The following ELOVL6 variants were observed in gnomAD, a reference collection of about 807,000 sequenced individuals.
ELOVL6 encodes the protein very long chain fatty acid elongase 6.
ELOVL6 carries 8 observed loss-of-function variants against 31.7 expected under a neutral mutation model. That is an observed-to-expected ratio of 0.25 (90% CI 0.15 to 0.45). ELOVL6 has a LOEUF of 0.45. Among genes scored for constraint, ELOVL6 ranks in the 20% least tolerant of loss-of-function variants. ELOVL6 has a pLI of 1.00. For synonymous variants in ELOVL6, 101 were observed against 117.7 expected, an observed-to-expected ratio of 0.86 and a Z score of 0.92; for missense variants, 126 against 326.4, an observed-to-expected ratio of 0.39 and a Z score of 4.73.
At chr4:110,132,615 T>C (rs1015340413) in intron 1 of ELOVL6, among the ~76,000 whole-genome samples, 1 of 151,728 alleles carries the variant, frequency 6.6e-6, no homozygotes, top group Non-Finnish European at 1.5e-5. Flanking sequence ...TCACTTGAGG[T>C]CAGGAGTTCA....
chr4:110,149,063 T>G (rs1758209753), intron 1 of ELOVL6, among the ~76,000 whole-genome samples: 1 of 152,176 alleles, frequency 6.6e-6, no homozygotes, highest in African/African-American at 2.4e-5. Flanking sequence ...GGTTTCACCA[T>G]GTTGCTGAGG....
chr4:110,086,270 A>T (rs571656973), intron 2 of ELOVL6, among the ~76,000 whole-genome samples: 88 of 152,262 alleles, frequency 5.8e-4, no homozygotes, highest in Non-Finnish European at 9.9e-4. Flanking sequence ...CCCATAGGTA[A>T]ATTTCTTAAT....
intron 1 of ELOVL6, among the ~76,000 whole-genome samples, chr4:110,125,825 T>C (rs966606388): frequency 7.7e-6 from 1 of 130,104 alleles, no homozygotes; most frequent in Non-Finnish European, 1.7e-5. Flanking sequence ...AGACTCCATC[T>C]CAAAAAAAAA....
intron 1 of ELOVL6, among the ~76,000 whole-genome samples, chr4:110,151,202 T>G (rs987361277): frequency 1.3e-5 from 2 of 151,776 alleles, no homozygotes; most frequent in African/African-American, 4.8e-5. Flanking sequence ...CAACCAGAAG[T>G]GTTTCAGATT....
At chr4:110,158,658 T>TATATATATATATATATATATATA (rs35622604) in intron 1 of ELOVL6, among the ~76,000 whole-genome samples, 9 of 59,544 alleles carry the variant, frequency 1.5e-4, no homozygotes, top group South Asian at 5.3e-4. Context: ...TATATATATA[T>TATATATATATATATATATATATA]TTTTTTTTTT....
intron 2 of ELOVL6, among the ~76,000 whole-genome samples, chr4:110,073,367 C>T (rs1180391062): frequency 5.9e-5 from 9 of 152,048 alleles, no homozygotes; most frequent in Non-Finnish European, 1.2e-4. Flanking sequence ...AGTGTGTTCT[C>T]ACAAATTATC....
rs538703793 is a variant in ELOVL6, at chr4:110,097,502, T to A, written c.221+7995A>T. The stretch of plus-strand genomic sequence containing the variant: ...TTTAACTTTACTATTTTATTAAGAT[T>A]TTTGCCTTGAACATTTGTTGGGCTT... On this transcript the variant is annotated intron_variant, in intron 2 of 3. Coordinates refer to ENST00000302274, the MANE Select transcript of ELOVL6 (RefSeq NM_024090.3). Among the ~76,000 whole-genome samples, 808 of 152,188 alleles carry A rather than the reference T, an allele frequency of 5.3e-3. 4 individuals are homozygous for A. Among genetic ancestry groups the A allele is most frequent in the African/African-American group, 0.018 (761 of 41,528 alleles).
intron 2 of ELOVL6, among the ~76,000 whole-genome samples, chr4:110,064,987 A>C (rs1755255674): frequency 6.6e-6 from 1 of 152,152 alleles, no homozygotes; most frequent in Non-Finnish European, 1.5e-5. Context: ...TATTAAATCA[A>C]CACGTACTTA....
intron 2 of ELOVL6, among the ~76,000 whole-genome samples, chr4:110,099,367 C>T (rs546943858): frequency 6.6e-6 from 1 of 152,176 alleles, no homozygotes; most frequent in South Asian, 2.1e-4. Flanking sequence ...ATATTTCATA[C>T]TTAAGCCAGA....
chr4:110,106,721 T>C (rs1756901767), intron 1 of ELOVL6, among the ~76,000 whole-genome samples: 1 of 152,144 alleles, frequency 6.6e-6, no homozygotes, highest in African/African-American at 2.4e-5. Context: ...CAACCTCCTA[T>C]GTCATCCTGT....
rs1447832626 is a variant in ELOVL6 at position 110,048,240 on chromosome 4, TG to T, written c.*3097del. 6.6e-6 allele frequency: 1 copy of T among 152,162 alleles called. No individual in the cohort carries two copies. The highest frequency in any genetic ancestry group is 1.5e-5 in the Non-Finnish European group (1 of 68,030). 9.4% of individuals were successfully genotyped at this position (152,162 alleles called of 1,614,324 possible). A position where few individuals can be genotyped will look rare whatever the true frequency, so the allele number is the denominator to read the frequency against. On this transcript the variant is annotated 3_prime_UTR_variant, in exon 4 of 4. Transcript: ENST00000302274. Reference sequence around the variant, plus strand: ...TTTGGTACTTTGGCCTTGCGTTAGATGTAATATGGTAGTTACTCTTTTCCCA... The same window carrying T: ...TTTGGTACTTTGGCCTTGCGTTAGATTAATATGGTAGTTACTCTTTTCCCA...
At chr4:110,176,214 A>G (rs188764885) in intron 1 of ELOVL6, among the ~76,000 whole-genome samples, 18 of 152,014 alleles carry the variant, frequency 1.2e-4, no homozygotes, top group African/African-American at 1.9e-4. Context: ...TCACGCTGGA[A>G]TGCAGTGGCG....
chr4:110,069,486 C>T (rs1047414607), intron 2 of ELOVL6, among the ~76,000 whole-genome samples: 7 of 152,078 alleles, frequency 4.6e-5, no homozygotes, highest in Admixed American at 2.0e-4. Context: ...TGACTCTGTG[C>T]GAGCACTGCA....
intron 1 of ELOVL6, among the ~76,000 whole-genome samples, chr4:110,194,720 G>C (rs1200299833): frequency 6.6e-6 from 1 of 152,166 alleles, no homozygotes; most frequent in Non-Finnish European, 1.5e-5. Context: ...GCTATGGTTA[G>C]TAAGTATGGA....
intron 1 of ELOVL6, among the ~76,000 whole-genome samples, chr4:110,184,685 C>G (rs1759389189): frequency 6.6e-6 from 1 of 152,138 alleles, no homozygotes; most frequent in African/African-American, 2.4e-5. Flanking sequence ...AAAAAGGGAA[C>G]TGACAGCCAA....
In ELOVL6 at chr4:110,094,289, C is replaced by T. The variant is rs1756502596; in HGVS notation, c.221+11208G>A. ...TCTGGATGGGCCAGATGCAGTGGCT[C>T]ACACCTGTAATCCCAGCACTTTGGG... On this transcript the variant is annotated intron_variant, in intron 2 of 3. Transcript: ENST00000302274. 2.0e-5 allele frequency among the ~76,000 whole-genome samples: 3 copies of T among 148,612 alleles called. No homozygotes were observed. The South Asian group carries it at 6.4e-4, about 32-fold the overall frequency.
chr4:110,168,053 T>C (rs1758834421), intron 1 of ELOVL6, among the ~76,000 whole-genome samples: 1 of 152,180 alleles, frequency 6.6e-6, no homozygotes, highest in African/African-American at 2.4e-5. Context: ...AAGATTAATA[T>C]TTTAGTGGAA....
At chr4:110,098,258 T>C (rs568930196) in intron 2 of ELOVL6, among the ~76,000 whole-genome samples, 24 of 151,888 alleles carry the variant, frequency 1.6e-4, no homozygotes, top group Non-Finnish European at 3.4e-4. Context: ...CATTATTGGG[T>C]GGGATAGGTA....
At chr4:110,148,892 G>A (rs554251070) in intron 1 of ELOVL6, among the ~76,000 whole-genome samples, 5 of 152,272 alleles carry the variant, frequency 3.3e-5, no homozygotes, top group South Asian at 4.2e-4. Flanking sequence ...ACAGAGTCTC[G>A]CTCTGTTGCC....
Sources: allele counts gnomAD v4.1 joint callset (sites outside exome capture counted in the v4.1 genomes callset), GRCh38; gene constraint gnomAD v4.1.1; transcripts MANE v1.5; gene names NCBI Gene and HGNC (gene_info 2026-07-23, HGNC 2026-07-21).